The following KREMEN1 variants were observed in gnomAD, a reference collection of about 807,000 sequenced individuals.
KREMEN1 encodes kremen protein 1.
KREMEN1 carries 30 observed loss-of-function variants against 46.5 expected under a neutral mutation model. That is an observed-to-expected ratio of 0.65 (90% CI 0.48 to 0.88). KREMEN1 has a LOEUF of 0.88. KREMEN1 is among the 40% of genes least tolerant of loss of function. KREMEN1 has a pLI of 0.00. For missense variants in KREMEN1, 533 were observed against 596.9 expected (o/e 0.89, Z 1.11); for synonymous variants, 214 against 230.6 (o/e 0.93, Z 0.65).
chr22:29,107,816 G>A (rs1348674457), intron 3 of KREMEN1, among the ~76,000 whole-genome samples: 1 of 152,134 alleles, frequency 6.6e-6, no homozygotes, highest in Admixed American at 6.5e-5. Flanking sequence ...GGCTGAGCTC[G>A]CATCACAGGC....
chr22:29,092,317 A>G (rs1047786707), intron 1 of KREMEN1, among the ~76,000 whole-genome samples: 1 of 152,158 alleles, frequency 6.6e-6, no homozygotes, highest in African/African-American at 2.4e-5. Context: ...GGTGTGGTCG[A>G]GTGCCCAGCT....
intron 5 of KREMEN1, among the ~76,000 whole-genome samples, chr22:29,127,596 G>A (rs865796112): frequency 1.1e-4 from 16 of 152,040 alleles, no homozygotes; most frequent in Non-Finnish European, 7.4e-5. Context: ...CCAGGAGGTG[G>A]AGGTTGCAGT....
chr22:29,153,969 CA>C (rs132287), intron 9 of KREMEN1, among the ~76,000 whole-genome samples: 77 of 140,470 alleles, frequency 5.5e-4, no homozygotes, highest in Middle Eastern at 3.5e-3. Flanking sequence ...GACTTCCTCT[CA>C]AAAAAAAAAA....
Position 29,145,611 on chromosome 22 carries a change from C to T in KREMEN1, c.*3499C>T. On this transcript the variant is annotated 3_prime_UTR_variant, in exon 9 of 9. Coordinates refer to ENST00000400335, the MANE Select transcript of KREMEN1 (RefSeq NM_001039570.3). ...AGTGTCCTTGGCCCTTCTGAGAAGGCAGGCGGGAGGCACACGGTGCCCTGT... is the reference window on the plus strand; with the variant it reads ...AGTGTCCTTGGCCCTTCTGAGAAGGTAGGCGGGAGGCACACGGTGCCCTGT... 1 of 985,560 alleles carries T rather than the reference C, an allele frequency of 1.0e-6. No homozygotes were observed. The highest frequency in any genetic ancestry group is 1.2e-6 in the Non-Finnish European group (1 of 830,006). 61.1% of individuals were successfully genotyped at this position (985,560 alleles called of 1,614,324 possible).
intron 5 of KREMEN1, among the ~76,000 whole-genome samples, chr22:29,131,948 C>T (rs1451266357): frequency 2.2e-5 from 3 of 134,946 alleles, no homozygotes; most frequent in African/African-American, 8.4e-5. Context: ...TCTTGGCTCA[C>T]AGCAACCTCC....
In KREMEN1 at chr22:29,144,483, C is replaced by T. The variant is rs1601815272; in HGVS notation, c.*2371C>T. ...CTCGGTGCAGCCTTCATGCTTTGAT[C>T]TGGAAAGAGCAGCTGTCCGCAGGCC... On this transcript the variant is annotated 3_prime_UTR_variant, in exon 9 of 9. Coordinates refer to ENST00000400335, the MANE Select transcript of KREMEN1 (RefSeq NM_001039570.3). The T allele has an allele frequency of 1.0e-6, 1 of 985,514 alleles. No individual in the cohort carries two copies. 61.0% of individuals were successfully genotyped at this position (985,514 alleles called of 1,614,324 possible). A position where few individuals can be genotyped will look rare whatever the true frequency, so the allele number is the denominator to read the frequency against.
intron 5 of KREMEN1, 30 bp downstream of exon 5, chr22:29,125,446 A>G (rs1032942758): frequency 1.1e-5 from 17 of 1,610,372 alleles, no homozygotes; most frequent in Middle Eastern, 1.7e-4. Flanking sequence ...ATCACTGCCC[A>G]AGGCACAGGA....
At chr22:29,104,179 A>G (rs1377516876) in intron 3 of KREMEN1, among the ~76,000 whole-genome samples, 1 of 145,360 alleles carries the variant, frequency 6.9e-6, no homozygotes, top group Non-Finnish European at 1.5e-5. Context: ...TTTTTTTGAG[A>G]CAGAGTCTTG....
At chr22:29,080,941 C>CT (rs71313000) in intron 1 of KREMEN1, among the ~76,000 whole-genome samples, 8,170 of 111,710 alleles carry the variant, frequency 0.073, 417 homozygotes, top group East Asian at 0.14. Context: ...TTTTTTTGTC[C>CT]TTTTTTTTTT....
At chr22:29,138,983 T>A in intron 7 of KREMEN1, 2 of 720,430 alleles carry the variant, frequency 2.8e-6, no homozygotes, top group Non-Finnish European at 4.6e-6. Context: ...GAGGGAAAAG[T>A]GCTCACCTCC....
chr22:29,111,799 G>A (rs1052009606), intron 3 of KREMEN1: 3 of 152,128 alleles, frequency 2.0e-5, no homozygotes, highest in African/African-American at 2.4e-5. Context: ...TCTGGTGAGA[G>A]CAGTGGAATA....
chr22:29,076,111 C>G (rs775682856), intron 1 of KREMEN1, among the ~76,000 whole-genome samples: 67 of 152,262 alleles, frequency 4.4e-4, no homozygotes, highest in South Asian at 4.1e-3. Flanking sequence ...GTAGTAGGTC[C>G]CATCTGGAAT....
chr22:29,140,222 A>G lies in KREMEN1; in HGVS notation c.1124-60A>G, dbSNP rs750349676. On this transcript the variant is annotated intron_variant, in intron 7 of 8. Transcript: ENST00000400335. ...CTTACTCACTTGGGTATTCCAGCCG[A>G]CCTCCTTTCGAAAACCAACCATAAA... 9.6e-6 allele frequency: 13 copies of G among 1,347,856 alleles called. No individual in the cohort carries two copies. The Middle Eastern group carries it at 1.1e-3, about 113-fold the overall frequency. 83.5% of individuals were successfully genotyped at this position (1,347,856 alleles called of 1,614,324 possible).
At chr22:29,104,399 T>A (rs529989589) in intron 3 of KREMEN1, among the ~76,000 whole-genome samples, 9 of 152,228 alleles carry the variant, frequency 5.9e-5, no homozygotes, top group African/African-American at 1.9e-4. Context: ...TCAGCAATCC[T>A]CCTGCCTTGG....
intron 6 of KREMEN1, among the ~76,000 whole-genome samples, 178 bp downstream of exon 6, chr22:29,137,852 T>C (rs751216970): frequency 1.3e-5 from 2 of 152,188 alleles, no homozygotes; most frequent in African/African-American, 4.8e-5. Flanking sequence ...TCATAACTCA[T>C]TTATGTTTCA....
At chr22:29,137,886 C>T (rs2145845488) in intron 6 of KREMEN1, among the ~76,000 whole-genome samples, 1 of 152,294 alleles carries the variant, frequency 6.6e-6, no homozygotes, top group Middle Eastern at 3.4e-3. Context: ...AGGTGAAAAC[C>T]TGTCAATTTG....
intron 1 of KREMEN1, among the ~76,000 whole-genome samples, chr22:29,080,407 A>T (rs2037635176): frequency 6.6e-6 from 1 of 152,166 alleles, no homozygotes. Context: ...GTTGGAGGGG[A>T]GATTAACTTA....
chr22:29,133,650 G>GC (rs1491340026), intron 5 of KREMEN1, among the ~76,000 whole-genome samples: 3 of 112,870 alleles, frequency 2.7e-5, no homozygotes, highest in African/African-American at 8.7e-5. Flanking sequence ...TTCTTTGTCT[G>GC]TTTTTTTTTG....
exon 10 of KREMEN1, chr22:29,167,485 G>C (rs952254985): frequency 5.2e-6 from 1 of 192,456 alleles, no homozygotes; most frequent in Non-Finnish European, 1.1e-5. Context: ...GGGACCTTTG[G>C]GGGTGAGTTC....
Sources: gnomAD v4.1 joint callset for allele counts (sites outside exome capture counted in the v4.1 genomes callset) on GRCh38, gnomAD v4.1.1 for gene constraint, MANE v1.5 for transcripts, NCBI Gene and HGNC (gene_info 2026-07-23, HGNC 2026-07-21) for gene names.